The following SEMA3E variants were observed in gnomAD, a reference collection of about 807,000 sequenced individuals.
The protein encoded by SEMA3E is semaphorin 3E.
In SEMA3E, 49 loss-of-function variants were observed where a neutral mutation model predicts 93.6. The observed-to-expected ratio is 0.52, with a 90% CI of 0.42 to 0.66. SEMA3E has a LOEUF of 0.66. SEMA3E is among the 30% of genes least tolerant of loss of function. The pLI, the probability that SEMA3E is intolerant of heterozygous loss-of-function variation, is 0.00. For synonymous variants in SEMA3E, 363 were observed against 330.7 expected (o/e 1.10, Z -1.06); for missense variants, 906 against 964.8 (o/e 0.94, Z 0.81).
rs181588563 is a variant in SEMA3E at position 83,503,064 on chromosome 7, A to G, written c.116-12790T>C. 3.4e-3 allele frequency among the ~76,000 whole-genome samples: 521 copies of G among 151,408 alleles called. 1 individual carries two copies. Among genetic ancestry groups the G allele is most frequent in the Non-Finnish European group, 5.2e-3 (352 of 67,894 alleles). On this transcript the variant is annotated intron_variant, in intron 1 of 16. Coordinates refer to ENST00000643230, the MANE Select transcript of SEMA3E (RefSeq NM_012431.3). ...TTATGGGTCAAGGGCAGTGAATGCA[A>G]ATTTCCCTTGTTGAAATAGGGCTTT... is the stretch of plus-strand genomic sequence containing the variant.
chr7:83,546,423 G>A (rs1284592962), intron 1 of SEMA3E, among the ~76,000 whole-genome samples: 3 of 151,088 alleles, frequency 2.0e-5, no homozygotes, highest in Non-Finnish European at 4.4e-5. Context: ...CTAGTGGGGA[G>A]GAGGAGGCTG....
chr7:83,532,762 T>G (rs1283839558), intron 1 of SEMA3E, among the ~76,000 whole-genome samples: 1 of 145,670 alleles, frequency 6.9e-6, no homozygotes, highest in African/African-American at 2.5e-5. Flanking sequence ...ATAATCTGAC[T>G]GAAATTATTT....
At chr7:83,506,161 C>G (rs747567547) in intron 1 of SEMA3E, among the ~76,000 whole-genome samples, 59 of 151,654 alleles carry the variant, frequency 3.9e-4, no homozygotes, top group Middle Eastern at 3.4e-3. Flanking sequence ...TTTTGATAGG[C>G]TTCAAACATA....
chr7:83,550,195 G>A (rs1234745316), intron 1 of SEMA3E, among the ~76,000 whole-genome samples: 1 of 152,136 alleles, frequency 6.6e-6, no homozygotes, highest in Non-Finnish European at 1.5e-5. Context: ...CTATCATTTA[G>A]AGAACGGATA....
intron 1 of SEMA3E, among the ~76,000 whole-genome samples, chr7:83,492,183 A>G (rs562074982): frequency 1.4e-4 from 22 of 151,920 alleles, no homozygotes; most frequent in Non-Finnish European, 3.1e-4. Flanking sequence ...TACCCAAAAC[A>G]CTCCGGTGTA....
At chr7:83,544,530 C>T (rs1791604903) in intron 1 of SEMA3E, among the ~76,000 whole-genome samples, 1 of 152,148 alleles carries the variant, frequency 6.6e-6, no homozygotes, top group African/African-American at 2.4e-5. Context: ...CAGTGCCAGA[C>T]ACTAAGTGCT....
intron 2 of SEMA3E, among the ~76,000 whole-genome samples, chr7:83,484,669 ACTGTC>A (rs1174798829): frequency 6.6e-6 from 1 of 151,996 alleles, no homozygotes; most frequent in Admixed American, 6.6e-5. Context: ...ACCAACCTCT[ACTGTC>A]TTACCTCCAC....
chr7:83,515,835 C>G (rs1205087527), intron 1 of SEMA3E, among the ~76,000 whole-genome samples: 5 of 152,088 alleles, frequency 3.3e-5, no homozygotes, highest in African/African-American at 4.8e-5. Flanking sequence ...CGAGACCAGC[C>G]TGGCCAACAT....
intron 1 of SEMA3E, among the ~76,000 whole-genome samples, chr7:83,532,381 A>G (rs1791319931): frequency 6.6e-6 from 1 of 152,192 alleles, no homozygotes; most frequent in Admixed American, 6.5e-5. Flanking sequence ...GGAAGTGATG[A>G]GGACACACAC....
At chr7:83,535,902 G>A (rs182849448) in intron 1 of SEMA3E, among the ~76,000 whole-genome samples, 34 of 152,228 alleles carry the variant, frequency 2.2e-4, no homozygotes, top group Non-Finnish European at 3.1e-4. Context: ...AAAAAGAATG[G>A]TTAGGTGTCA....
At chr7:83,497,850 C>A (rs1790519288) in intron 1 of SEMA3E, among the ~76,000 whole-genome samples, 1 of 152,072 alleles carries the variant, frequency 6.6e-6, no homozygotes, top group South Asian at 2.1e-4. Flanking sequence ...AACCACTTTC[C>A]AAAGAAAGCA....
rs140474789 is a variant in SEMA3E at position 83,524,488 on chromosome 7, G to A, written c.116-34214C>T. Among the ~76,000 whole-genome samples the A allele has an allele frequency of 3.1e-3, 477 of 152,118 alleles. 3 individuals carry two copies. The highest frequency in any genetic ancestry group is 8.2e-3 in the African/African-American group (341 of 41,520). On this transcript the variant is annotated intron_variant, in intron 1 of 16. Transcript: ENST00000643230. ...TTCTAGGAATTTAGAGAGCACATTT[G>A]TGCAGGGGCCACACAACATTCCTAG...
At chr7:83,542,899 C>T (rs1453396885) in intron 1 of SEMA3E, among the ~76,000 whole-genome samples, 1 of 152,026 alleles carries the variant, frequency 6.6e-6, no homozygotes, top group East Asian at 1.9e-4. Flanking sequence ...GTTATAAATT[C>T]ATACTGTAAT....
At chr7:83,406,621 T>A (rs2709937) in intron 7 of SEMA3E, among the ~76,000 whole-genome samples, 76,432 of 151,456 alleles carry the variant, frequency 0.5, 22,133 homozygotes, top group East Asian at 0.85. Context: ...TAATTTTATT[T>A]GATTCTCTCA....
chr7:83,565,993 C>CTCTT (rs1429905989), intron 1 of SEMA3E, among the ~76,000 whole-genome samples: 2 of 111,568 alleles, frequency 1.8e-5, no homozygotes, highest in Non-Finnish European at 3.7e-5. Flanking sequence ...AATGTTTCCA[C>CTCTT]TCTTTTTTTT....
intron 4 of SEMA3E, among the ~76,000 whole-genome samples, chr7:83,425,745 G>A (rs539253952): frequency 2.0e-5 from 3 of 151,864 alleles, no homozygotes; most frequent in East Asian, 1.9e-4. Context: ...TAAACAAGTC[G>A]GACCTAAATA....
chr7:83,428,347 C>A (rs1029818043), intron 4 of SEMA3E, among the ~76,000 whole-genome samples: 13 of 151,978 alleles, frequency 8.6e-5, no homozygotes, highest in African/African-American at 2.4e-4. Context: ...TACTACAGGA[C>A]AAAACAAACA....
chr7:83,416,095 G>A (rs139708498), intron 5 of SEMA3E, among the ~76,000 whole-genome samples: 2 of 152,122 alleles, frequency 1.3e-5, no homozygotes, highest in African/African-American at 4.8e-5. Context: ...GGCTCACATA[G>A]GTTATCAGGT....
At chr7:83,472,148 G>A (rs575802492) in intron 2 of SEMA3E, among the ~76,000 whole-genome samples, 1 of 152,058 alleles carries the variant, frequency 6.6e-6, no homozygotes, top group African/African-American at 2.4e-5. Flanking sequence ...TAAGAAAATC[G>A]TTGGTATATA....
Sources: allele counts gnomAD v4.1 joint callset (sites outside exome capture counted in the v4.1 genomes callset), GRCh38; gene constraint gnomAD v4.1.1; transcripts MANE v1.5; gene names NCBI Gene and HGNC (gene_info 2026-07-23, HGNC 2026-07-21).